Variants in ATP10D observed in about 807,000 individuals in gnomAD.
ATP10D encodes phospholipid-transporting ATPase VD.
ATP10D carries 89 observed loss-of-function variants against 144.8 expected under a neutral mutation model. The observed-to-expected ratio is 0.61, with a 90% CI of 0.52 to 0.73. The LOEUF is 0.73. Among genes scored for constraint, ATP10D ranks in the 30% least tolerant of loss-of-function variants. The pLI, the probability that ATP10D is intolerant of heterozygous loss-of-function variation, is 0.00. For synonymous variants in ATP10D, 571 were observed against 615.1 expected, an observed-to-expected ratio of 0.93 and a Z score of 1.06; for missense variants, 1,603 against 1,714.8, an observed-to-expected ratio of 0.93 and a Z score of 1.15.
In ATP10D at chr4:47,503,896, TA is replaced by T. The variant is rs1265809005; in HGVS notation, c.-37-8599del. ...CCTGGGCATCAGAGCAAGACCTGTC[TA>T]AAAAAAAATAATAAATAAAAAATAA... On this transcript the variant is annotated intron_variant, in intron 1 of 22. Coordinates refer to ENST00000273859, the MANE Select transcript of ATP10D (RefSeq NM_020453.4). Among the ~76,000 whole-genome samples the T allele has an allele frequency of 6.0e-5, 9 of 150,328 alleles. No individual in the cohort carries two copies. The East Asian group carries it at 1.2e-3, about 19-fold the overall frequency.
At chr4:47,533,830 C>T (rs1482612989) in intron 5 of ATP10D, among the ~76,000 whole-genome samples, 1 of 152,158 alleles carries the variant, frequency 6.6e-6, no homozygotes, top group Non-Finnish European at 1.5e-5. Flanking sequence ...GTTTCCACTT[C>T]CACTTCCTTT....
At chr4:47,573,541 G>T (rs577837026) in intron 18 of ATP10D, among the ~76,000 whole-genome samples, 80 of 152,266 alleles carry the variant, frequency 5.3e-4, no homozygotes, top group African/African-American at 1.8e-3. Flanking sequence ...TAATGATAAA[G>T]GAACTAGATT....
intron 2 of ATP10D, among the ~76,000 whole-genome samples, chr4:47,514,669 G>C (rs1716538201): frequency 6.6e-6 from 1 of 152,134 alleles, no homozygotes; most frequent in Admixed American, 6.5e-5. Context: ...CCTGAAGAAG[G>C]TGGTTCTGAA....
intron 9 of ATP10D, among the ~76,000 whole-genome samples, chr4:47,538,923 C>T (rs1252321622): frequency 6.6e-6 from 1 of 152,172 alleles, no homozygotes; most frequent in African/African-American, 2.4e-5. Flanking sequence ...GAGATCATGT[C>T]CACCAAGGAT....
chr4:47,572,793 G>A (rs1720030074), intron 17 of ATP10D, 79 bp from the exon 18 acceptor site: 1 of 1,580,470 alleles, frequency 6.3e-7, no homozygotes, highest in Non-Finnish European at 8.7e-7. Flanking sequence ...GAGGCCTAGG[G>A]TTTCCCAAGA....
chr4:47,557,710 A>G lies in ATP10D; in HGVS notation c.1871A>G (p.Glu624Gly). ...LGGLPIKSLE[E>G]IKSLFQRWSV... ...GGGTTGCCCATTAAGTCTTTGGAAGAGATTAAAAGTCTTTTCCAGAGATGG... is the reference window on the plus strand; with the variant it reads ...GGGTTGCCCATTAAGTCTTTGGAAGGGATTAAAAGTCTTTTCCAGAGATGG... The change falls in exon 12 of 23, where the codon GAG (glutamate) becomes GGG (glycine). Residue 624 changes from glutamate (E) to glycine (G), a missense_variant. Physicochemically the swap from Glu to Gly is moderately conservative, Grantham distance 98. Transcript: ENST00000273859. 1.2e-6 allele frequency: 2 copies of G among 1,614,016 alleles called. No homozygotes were observed. Among genetic ancestry groups the G allele is most frequent in the Non-Finnish European group, 1.7e-6 (2 of 1,179,886 alleles).
At chr4:47,542,678 C>T (rs1445751769) in intron 9 of ATP10D, among the ~76,000 whole-genome samples, 4 of 151,972 alleles carry the variant, frequency 2.6e-5, no homozygotes, top group African/African-American at 9.7e-5. Flanking sequence ...GGGGTTTCGC[C>T]ATGTTGGCCA....
chr4:47,531,209 C>A (rs1717551758), intron 5 of ATP10D, among the ~76,000 whole-genome samples: 1 of 152,110 alleles, frequency 6.6e-6, no homozygotes, highest in South Asian at 2.1e-4. Context: ...TTCAGGATTC[C>A]ATAGCATCTG....
At chr4:47,539,038 A>C (rs1286737412) in intron 9 of ATP10D, among the ~76,000 whole-genome samples, 1 of 152,212 alleles carries the variant, frequency 6.6e-6, no homozygotes, top group African/African-American at 2.4e-5. Context: ...CACAAGGTGC[A>C]TCTACCACGG....
intron 1 of ATP10D, chr4:47,491,360 A>T: frequency 1.3e-6 from 1 of 749,968 alleles, no homozygotes; most frequent in Non-Finnish European, 2.4e-6. Context: ...CACGTCTCTT[A>T]TAGATTCACA....
At position 47,563,647 on chromosome 4, in the gene ATP10D, C is replaced by A. The variant is rs200004371; in HGVS notation, c.2735C>A (p.Ala912Glu). Reference protein sequence around the residue: ...VPESIEALHKAGIKIWMLTGD... With the variant: ...VPESIEALHKEGIKIWMLTGD... ...GAATCTATAGAAGCTCTTCACAAAG[C>A]GGGCATCAAGATCTGGATGCTGACA... is the stretch of plus-strand genomic sequence containing the variant. The change falls in exon 15 of 23, where the codon GCG becomes GAG. Residue 912 changes from alanine to glutamate, a missense_variant. Ala to Glu is a moderately radical substitution (Grantham distance 107). Coordinates refer to ENST00000273859, the MANE Select transcript of ATP10D (RefSeq NM_020453.4). 1.2e-6 allele frequency: 2 copies of A among 1,613,860 alleles called. No individual in the cohort carries two copies. Among genetic ancestry groups the A allele is most frequent in the South Asian group, 2.2e-5 (2 of 91,056 alleles).
At chr4:47,533,607 A>G (rs757525769) in intron 5 of ATP10D, among the ~76,000 whole-genome samples, 11 of 152,230 alleles carry the variant, frequency 7.2e-5, no homozygotes, top group Non-Finnish European at 1.3e-4. Flanking sequence ...CCTAATTTTC[A>G]TACTGAAATT....
At chr4:47,509,131 C>G (rs1307644889) in intron 1 of ATP10D, among the ~76,000 whole-genome samples, 2 of 152,186 alleles carry the variant, frequency 1.3e-5, no homozygotes, top group Non-Finnish European at 2.9e-5. Context: ...CTGCCCTCCC[C>G]TGAGCCTTCT....
intron 21 of ATP10D, among the ~76,000 whole-genome samples, chr4:47,585,782 T>G (rs1345622153): frequency 6.6e-6 from 1 of 152,210 alleles, no homozygotes; most frequent in African/African-American, 2.4e-5. Flanking sequence ...TCATTTAACA[T>G]AATGACCTCT....
chr4:47,555,276 G>T (rs1718925963), intron 11 of ATP10D, among the ~76,000 whole-genome samples: 1 of 152,180 alleles, frequency 6.6e-6, no homozygotes, highest in South Asian at 2.1e-4. Context: ...AGGGATCTAG[G>T]TTGTGCCCTC....
chr4:47,515,243 G>C (rs1178738958), intron 2 of ATP10D, among the ~76,000 whole-genome samples: 3 of 152,042 alleles, frequency 2.0e-5, no homozygotes, highest in Non-Finnish European at 4.4e-5. Flanking sequence ...TTATAGCCGT[G>C]AGCCACCACA....
intron 5 of ATP10D, among the ~76,000 whole-genome samples, chr4:47,527,209 T>C (rs1350411234): frequency 6.6e-6 from 1 of 152,064 alleles, no homozygotes; most frequent in African/African-American, 2.4e-5. Context: ...TGGAGAAAGG[T>C]TATCGTTTCA....
intron 11 of ATP10D, among the ~76,000 whole-genome samples, chr4:47,555,288 G>A (rs964194575): frequency 5.3e-5 from 8 of 152,144 alleles, no homozygotes; most frequent in African/African-American, 1.7e-4. Context: ...TGTGCCCTCC[G>A]TATGAGAATC....
intron 1 of ATP10D, among the ~76,000 whole-genome samples, chr4:47,504,570 T>C (rs1419069765): frequency 1.3e-5 from 2 of 152,058 alleles, no homozygotes; most frequent in Non-Finnish European, 2.9e-5. Context: ...GAGACTTTTT[T>C]TTTTCTTTTT....
Sources: allele counts gnomAD v4.1 joint callset (sites outside exome capture counted in the v4.1 genomes callset), GRCh38; gene constraint gnomAD v4.1.1; transcripts MANE v1.5; gene names NCBI Gene and HGNC (gene_info 2026-07-23, HGNC 2026-07-21).